The following PRKCE variants were observed in gnomAD, a reference collection of about 807,000 sequenced individuals.
PRKCE encodes protein kinase C epsilon type.
Under a neutral mutation model 85.4 loss-of-function variants are expected in PRKCE, and 16 were observed. That is an observed-to-expected ratio of 0.19 (90% CI 0.13 to 0.28). The LOEUF (loss-of-function observed/expected upper bound fraction) is 0.28. Ranked by LOEUF, PRKCE falls within the 10% of genes least tolerant of loss-of-function variation. The pLI is 1.00. For missense variants in PRKCE, 573 were observed against 975.2 expected (o/e 0.59, Z 5.49); for synonymous variants, 388 against 371.5 (o/e 1.04, Z -0.51).
chr2:45,800,489 T>C (rs73926101), intron 1 of PRKCE, among the ~76,000 whole-genome samples: 50 of 152,294 alleles, frequency 3.3e-4, no homozygotes, highest in African/African-American at 1.0e-3. Flanking sequence ...GCAGTTTTAG[T>C]CAGCAGTTGG....
At chr2:45,958,818 T>TA (rs1558885886) in intron 2 of PRKCE, among the ~76,000 whole-genome samples, 78 of 7,526 alleles carry the variant, frequency 0.01, no homozygotes, top group Admixed American at 0.024. Flanking sequence ...ATATATATAT[T>TA]TTTTTTTTTT....
At chr2:45,690,620 T>G (rs1390145756) in intron 1 of PRKCE, among the ~76,000 whole-genome samples, 1 of 152,252 alleles carries the variant, frequency 6.6e-6, no homozygotes, top group African/African-American at 2.4e-5. Flanking sequence ...TTTTTCATGT[T>G]TAAATGTTAA....
At chr2:46,121,407 A>G (rs1218185980) in intron 11 of PRKCE, among the ~76,000 whole-genome samples, 1 of 152,104 alleles carries the variant, frequency 6.6e-6, no homozygotes. Flanking sequence ...CACCCTGCAC[A>G]CTGAGAGATG....
intron 1 of PRKCE, among the ~76,000 whole-genome samples, chr2:45,830,199 A>G (rs1325864015): frequency 2.6e-5 from 4 of 152,066 alleles, no homozygotes; most frequent in Admixed American, 6.6e-5. Flanking sequence ...TCATTCAGGG[A>G]CCCATGCTCT....
intron 1 of PRKCE, among the ~76,000 whole-genome samples, chr2:45,815,152 C>G (rs1350163768): frequency 2.6e-5 from 4 of 152,206 alleles, no homozygotes; most frequent in Non-Finnish European, 1.5e-5. Flanking sequence ...TAAGAAGGCA[C>G]TAATCTCATA....
chr2:46,085,648 A>C (rs1407925528), intron 10 of PRKCE, among the ~76,000 whole-genome samples: 4 of 117,354 alleles, frequency 3.4e-5, no homozygotes, highest in Admixed American at 9.1e-5. Context: ...TTATAAGGAC[A>C]CTTATGATTG....
At chr2:46,090,305 T>A (rs2881257) in intron 11 of PRKCE, among the ~76,000 whole-genome samples, 88,012 of 151,432 alleles carry the variant, frequency 0.58, 27,429 homozygotes, top group Non-Finnish European at 0.71. Flanking sequence ...TCAGGACCTC[T>A]TCAAGCACTC....
intron 13 of PRKCE, among the ~76,000 whole-genome samples, chr2:46,158,824 G>C (rs1398604890): frequency 6.6e-6 from 1 of 151,784 alleles, no homozygotes; most frequent in Non-Finnish European, 1.5e-5. Flanking sequence ...GGTTTTATTG[G>C]TATACGTATG....
At chr2:45,665,255 A>G (rs1379487589) in intron 1 of PRKCE, among the ~76,000 whole-genome samples, 1 of 152,234 alleles carries the variant, frequency 6.6e-6, no homozygotes, top group Non-Finnish European at 1.5e-5. Context: ...CAACCATAGA[A>G]ATCCTTTTCT....
chr2:45,711,087 G>T (rs76490910), intron 1 of PRKCE, among the ~76,000 whole-genome samples: 1 of 152,232 alleles, frequency 6.6e-6, no homozygotes, highest in East Asian at 1.9e-4. Context: ...TGAAGGGAGC[G>T]CAGCTCAGAG....
chr2:46,017,477 G>A (rs948243811), intron 10 of PRKCE, among the ~76,000 whole-genome samples: 4 of 152,072 alleles, frequency 2.6e-5, no homozygotes, highest in Admixed American at 6.6e-5. Context: ...TGACTTCCAC[G>A]TTTTGGCTAC....
At chr2:45,701,102 G>A (rs1178266351) in intron 1 of PRKCE, among the ~76,000 whole-genome samples, 2 of 152,168 alleles carry the variant, frequency 1.3e-5, no homozygotes, top group African/African-American at 4.8e-5. Context: ...AACTAAGACA[G>A]TAGAGGAAGG....
intron 11 of PRKCE, among the ~76,000 whole-genome samples, chr2:46,129,787 C>G (rs944750508): frequency 2.0e-5 from 3 of 152,246 alleles, no homozygotes; most frequent in African/African-American, 7.2e-5. Flanking sequence ...AGATTGGAAG[C>G]TGCTGAGTTA....
chr2:45,752,419 C>T (rs1330212190), intron 1 of PRKCE, among the ~76,000 whole-genome samples: 2 of 152,174 alleles, frequency 1.3e-5, no homozygotes, highest in African/African-American at 2.4e-5. Context: ...CCTCCTACAT[C>T]TACTGAGATA....
chr2:45,976,055 A>C (rs1356103533), intron 2 of PRKCE, among the ~76,000 whole-genome samples: 1 of 152,188 alleles, frequency 6.6e-6, no homozygotes, highest in African/African-American at 2.4e-5. Context: ...AACACCACCT[A>C]TCCAAGGTCA....
chr2:46,056,330 C>G (rs1169497476), intron 10 of PRKCE, among the ~76,000 whole-genome samples: 1 of 151,062 alleles, frequency 6.6e-6, no homozygotes, highest in African/African-American at 2.4e-5. Flanking sequence ...CTTCAAATGT[C>G]TGTCCCAAAA....
chr2:45,932,238 C>T (rs551259859), intron 2 of PRKCE, among the ~76,000 whole-genome samples: 4 of 152,304 alleles, frequency 2.6e-5, no homozygotes, highest in Non-Finnish European at 5.9e-5. Context: ...GAGATTCATC[C>T]ATGTTTTTGC....
chr2:46,120,056 G>C (rs1294683216), intron 11 of PRKCE, among the ~76,000 whole-genome samples: 1 of 152,162 alleles, frequency 6.6e-6, no homozygotes, highest in Non-Finnish European at 1.5e-5. Context: ...GTTTTCAAAA[G>C]ATGCTGTCAT....
chr2:46,170,873 G>T (rs77307849), intron 14 of PRKCE, among the ~76,000 whole-genome samples: 1 of 152,176 alleles, frequency 6.6e-6, no homozygotes, highest in African/African-American at 2.4e-5. Context: ...CTAAATAAGT[G>T]GGGGAGAGAT....
Sources: gnomAD v4.1 joint callset for allele counts (sites outside exome capture counted in the v4.1 genomes callset) on GRCh38, gnomAD v4.1.1 for gene constraint, MANE v1.5 for transcripts, NCBI Gene and HGNC (gene_info 2026-07-23, HGNC 2026-07-21) for gene names.